The following IQGAP2 variants were observed in gnomAD, a reference collection of about 807,000 sequenced individuals.
IQGAP2 encodes the protein ras GTPase-activating-like protein IQGAP2.
A neutral mutation model predicts 201.3 loss-of-function variants in IQGAP2; 173 were observed. The observed-to-expected ratio is 0.86, with a 90% confidence interval of 0.76 to 0.98. IQGAP2 has a LOEUF of 0.98. Ranked by LOEUF, IQGAP2 falls within the 50% of genes least tolerant of loss-of-function variation. The pLI is 0.00. For synonymous variants in IQGAP2, 675 were observed against 673.9 expected, an observed-to-expected ratio of 1.00 and a Z score of -0.03; for missense variants, 1,687 against 1,864.8, an observed-to-expected ratio of 0.90 and a Z score of 1.76.
At chr5:76,557,701 C>G (rs3912001) in intron 2 of IQGAP2, among the ~76,000 whole-genome samples, 9,909 of 152,202 alleles carry the variant, frequency 0.065, 746 homozygotes, top group East Asian at 0.43. Context: ...GAAGAAATGG[C>G]CTTTGCCTTT....
chr5:76,697,533 ACT>A (rs1746869243), intron 32 of IQGAP2, among the ~76,000 whole-genome samples: 8 of 152,196 alleles, frequency 5.3e-5, no homozygotes, highest in Admixed American at 5.2e-4. Context: ...AGCCCCAGCT[ACT>A]CAGGAGGCTG....
intron 1 of IQGAP2, among the ~76,000 whole-genome samples, chr5:76,448,422 C>G (rs1220683622): frequency 6.6e-6 from 1 of 152,116 alleles, no homozygotes; most frequent in Non-Finnish European, 1.5e-5. Flanking sequence ...GATCTCTTCT[C>G]TCTGCCCTTT....
intron 3 of IQGAP2, among the ~76,000 whole-genome samples, chr5:76,564,746 C>T (rs531856252): frequency 4.6e-5 from 7 of 152,286 alleles, no homozygotes; most frequent in South Asian, 4.1e-4. Context: ...TGATGACATA[C>T]ATCCCCAAGT....
Position 76,505,286 on chromosome 5 carries a change from T to C in IQGAP2, c.146+43617T>C, listed in dbSNP as rs112775239. Among the ~76,000 whole-genome samples the C allele has an allele frequency of 4.2e-3, 641 of 152,342 alleles. 4 individuals are homozygous for C. The highest frequency in any genetic ancestry group is 6.5e-3 in the Non-Finnish European group (443 of 68,036). The stretch of plus-strand genomic sequence containing the variant: ...ATGTCAGGCACTGTGCCAAGCAATT[T>C]GTACACATCTCATTTAATCCAGGAA... On this transcript the variant is annotated intron_variant, in intron 2 of 35. Transcript: ENST00000274364.
intron 13 of IQGAP2, chr5:76,618,552 G>A (rs761605893): frequency 5.0e-6 from 8 of 1,613,946 alleles, no homozygotes; most frequent in East Asian, 4.5e-5. Flanking sequence ...GGCAGAAAAG[G>A]GGAACTCTTC....
rs759988427 is a variant in IQGAP2 at position 76,606,312 on chromosome 5, A to C, written c.1357+9A>C. 3.2e-6 allele frequency: 5 copies of C among 1,586,376 alleles called. No homozygotes were observed. The South Asian group carries it at 5.9e-5, about 19-fold the overall frequency. On this transcript the variant is annotated intron_variant, in intron 12 of 35. Coordinates refer to ENST00000274364, the MANE Select transcript of IQGAP2 (RefSeq NM_006633.5). ...TCAAGAAGAAAATGACCGTAAGTAT[A>C]AGACACTTTCCTTCTCTAGCATAGT...
Position 76,632,013 on chromosome 5 carries a change from C to G in IQGAP2, c.1767C>G (p.Leu589=), listed in dbSNP as rs1159826323. The part of the protein sequence containing the change: ...YYDALVKAKE[L]KSERVSSDGS... ...ATGCCCTTGTGAAGGCAAAAGAGCT[C>G]AAATCTGAAAGAGGTAAGTTGGTTT... is the stretch of plus-strand genomic sequence containing the variant. Residue 589 remains leucine, a synonymous_variant, in exon 15 of 36, where the codon CTC becomes CTG. Transcript: ENST00000274364. 3 of 1,604,400 alleles carry G rather than the reference C, an allele frequency of 1.9e-6. No individual in the cohort carries two copies. Among genetic ancestry groups the G allele is most frequent in the Non-Finnish European group, 2.6e-6 (3 of 1,176,456 alleles).
intron 2 of IQGAP2, among the ~76,000 whole-genome samples, chr5:76,514,616 C>T (rs1758195904): frequency 6.6e-6 from 1 of 152,246 alleles, no homozygotes; most frequent in Non-Finnish European, 1.5e-5. Context: ...TCACCTGCAT[C>T]ACGTGGTCTG....
chr5:76,660,723 C>A (rs1035990977), intron 21 of IQGAP2, among the ~76,000 whole-genome samples: 1 of 152,272 alleles, frequency 6.6e-6, no homozygotes, highest in Middle Eastern at 3.4e-3. Context: ...ATGTATCCAG[C>A]ATTTTTTAGC....
At chr5:76,612,965 C>G (rs1286375587) in intron 13 of IQGAP2, among the ~76,000 whole-genome samples, 1 of 152,234 alleles carries the variant, frequency 6.6e-6, no homozygotes, top group Non-Finnish European at 1.5e-5. Flanking sequence ...ATCCTCACTA[C>G]TCCACTGCCT....
chr5:76,521,404 T>C (rs1758678416), intron 2 of IQGAP2, among the ~76,000 whole-genome samples: 2 of 152,252 alleles, frequency 1.3e-5, no homozygotes, highest in Non-Finnish European at 2.9e-5. Flanking sequence ...TTACAGTTTC[T>C]GTCTTTGGGG....
intron 10 of IQGAP2, among the ~76,000 whole-genome samples, chr5:76,598,435 A>G (rs903719148): frequency 1.3e-5 from 2 of 152,218 alleles, no homozygotes; most frequent in Non-Finnish European, 2.9e-5. Context: ...GGCAATTCAT[A>G]AAACAAGAAC....
chr5:76,537,365 T>C (rs1352123121), intron 2 of IQGAP2, among the ~76,000 whole-genome samples: 1 of 152,198 alleles, frequency 6.6e-6, no homozygotes, highest in Admixed American at 6.5e-5. Flanking sequence ...AATAGTGATA[T>C]TAAGGTATTA....
intron 13 of IQGAP2, among the ~76,000 whole-genome samples, chr5:76,625,841 T>C (rs1750171750): frequency 6.6e-6 from 1 of 152,204 alleles, no homozygotes; most frequent in South Asian, 2.1e-4. Flanking sequence ...TGACTTAGGA[T>C]TTAGAACACG....
chr5:76,413,959 C>T (rs1751276054), intron 1 of IQGAP2, among the ~76,000 whole-genome samples: 1 of 152,144 alleles, frequency 6.6e-6, no homozygotes, highest in Admixed American at 6.6e-5. Context: ...CTGGGTTCAC[C>T]TAACGTCCCT....
At chr5:76,647,965 T>C (rs1279495951) in intron 17 of IQGAP2, among the ~76,000 whole-genome samples, 1 of 152,156 alleles carries the variant, frequency 6.6e-6, no homozygotes, top group East Asian at 1.9e-4. Flanking sequence ...CTGGATCTTG[T>C]GCCCACTGAG....
chr5:76,568,430 C>G (rs1744896443), intron 3 of IQGAP2, among the ~76,000 whole-genome samples: 1 of 152,184 alleles, frequency 6.6e-6, no homozygotes, highest in Admixed American at 6.5e-5. Context: ...AGATTAATCT[C>G]TGCAACTCAA....
intron 30 of IQGAP2, among the ~76,000 whole-genome samples, chr5:76,690,304 A>G (rs1746150502): frequency 6.6e-6 from 1 of 152,190 alleles, no homozygotes; most frequent in Admixed American, 6.5e-5. Context: ...TTTCACTTGG[A>G]AAAAGGAAAG....
chr5:76,443,354 C>T (rs960089944), intron 1 of IQGAP2, among the ~76,000 whole-genome samples: 1 of 152,038 alleles, frequency 6.6e-6, no homozygotes, highest in Non-Finnish European at 1.5e-5. Context: ...GAGAGGATGG[C>T]ATGCATCCAT....
Sources: gnomAD v4.1 joint callset for allele counts (sites outside exome capture counted in the v4.1 genomes callset) on GRCh38, gnomAD v4.1.1 for gene constraint, MANE v1.5 for transcripts, NCBI Gene and HGNC (gene_info 2026-07-23, HGNC 2026-07-21) for gene names.